CYP2C18: variants seen among roughly 807,000 people sequenced by gnomAD.
CYP2C18 encodes the protein cytochrome P450 family 2 subfamily C member 18, also known as cytochrome P450 2C18.
In CYP2C18, 38 loss-of-function variants were observed where a neutral mutation model predicts 41.3. The ratio of observed to expected loss-of-function variants is 0.92; its 90% CI spans 0.71 to 1.21. CYP2C18 has a LOEUF of 1.21. CYP2C18 is among the 50% of genes most tolerant of loss of function. The pLI is 0.00. For missense variants in CYP2C18, 635 were observed against 591.4 expected, an observed-to-expected ratio of 1.07 and a Z score of -0.77; for synonymous variants, 236 against 210.0, an observed-to-expected ratio of 1.12 and a Z score of -1.07.
At chr10:94,701,561 A>G (rs190235842) in intron 4 of CYP2C18, among the ~76,000 whole-genome samples, 260 of 152,352 alleles carry the variant, frequency 1.7e-3, no homozygotes, top group African/African-American at 6.1e-3. Flanking sequence ...TGGCACATGT[A>G]TACATATGTA....
chr10:94,691,677 A>G (rs1264953553), intron 3 of CYP2C18, among the ~76,000 whole-genome samples: 1 of 152,206 alleles, frequency 6.6e-6, no homozygotes, highest in African/African-American at 2.4e-5. Flanking sequence ...AAACTACTTT[A>G]AAGTTCATAT....
intron 4 of CYP2C18, among the ~76,000 whole-genome samples, chr10:94,698,082 G>A (rs1051507423): frequency 6.6e-4 from 101 of 152,142 alleles, no homozygotes; most frequent in African/African-American, 2.4e-3. Flanking sequence ...GGAGACAGAA[G>A]GTTAACAAGG....
At position 94,720,517 on chromosome 10, in the gene CYP2C18, T is replaced by C. The variant is rs762328869; in HGVS notation, c.941T>C (p.Leu314Pro). The C allele has an allele frequency of 6.2e-6, 10 of 1,613,170 alleles. No homozygotes were observed. The South Asian group carries it at 8.8e-5, about 14-fold the overall frequency. ...CTGAGATATGGACTCCTGCTCCTGC[T>C]GAAGTACCCAGAGGTCACAGGTATG... ...TTLRYGLLLLLKYPEVTAKVQ... is the reference protein window; with the variant it reads ...TTLRYGLLLLPKYPEVTAKVQ... Residue 314 changes from leucine to proline, a missense_variant, in exon 6 of 9, where the codon CTG (leucine) becomes CCG (proline). By Grantham distance (98) the Leu-to-Pro change is moderately conservative. Coordinates refer to ENST00000285979, the MANE Select transcript of CYP2C18 (RefSeq NM_000772.3).
At chr10:94,696,409 A>C (rs1240845547) in intron 4 of CYP2C18, among the ~76,000 whole-genome samples, 2 of 152,212 alleles carry the variant, frequency 1.3e-5, no homozygotes, top group African/African-American at 2.4e-5. Context: ...ACAGACCTGC[A>C]GCTGAGGGTC....
At chr10:94,688,096 CT>C in intron 2 of CYP2C18, 28 bp from the exon 3 acceptor site, 1 of 1,613,106 alleles carries the variant, frequency 6.2e-7, no homozygotes, top group Non-Finnish European at 8.5e-7. Context: ...TGGATTCTCC[CT>C]CGTAGCTTCT....
intron 5 of CYP2C18, among the ~76,000 whole-genome samples, chr10:94,718,201 A>T (rs528540126): frequency 1.3e-5 from 2 of 151,776 alleles, no homozygotes; most frequent in African/African-American, 4.8e-5. Context: ...TATTTCTTTG[A>T]TGCTATTGTA....
chr10:94,701,229 A>C (rs913061975), intron 4 of CYP2C18, among the ~76,000 whole-genome samples: 2 of 152,218 alleles, frequency 1.3e-5, no homozygotes, highest in Non-Finnish European at 2.9e-5. Context: ...CAAATATCCA[A>C]CAATGATAGA....
At chr10:94,709,468 A>T (rs1012876622) in intron 5 of CYP2C18, among the ~76,000 whole-genome samples, 21 of 152,258 alleles carry the variant, frequency 1.4e-4, no homozygotes, top group African/African-American at 5.1e-4. Flanking sequence ...TTTTAAAATT[A>T]TTGAGATGGA....
At chr10:94,718,381 C>A (rs1847591960) in intron 5 of CYP2C18, among the ~76,000 whole-genome samples, 1 of 152,000 alleles carries the variant, frequency 6.6e-6, no homozygotes, top group African/African-American at 2.4e-5. Flanking sequence ...AAGATCATGC[C>A]ATCAGCAAAC....
At chr10:94,730,783 A>C (rs1229690848) in intron 7 of CYP2C18, among the ~76,000 whole-genome samples, 1 of 152,160 alleles carries the variant, frequency 6.6e-6, no homozygotes, top group African/African-American at 2.4e-5. Flanking sequence ...AAAACTCTGA[A>C]GACTCTTCCA....
Position 94,697,566 on chromosome 10 carries a change from C to T in CYP2C18, c.642+2489C>T, listed in dbSNP as rs547271403. 2.1e-3 allele frequency among the ~76,000 whole-genome samples: 327 copies of T among 152,288 alleles called. 2 individuals carry two copies. Among genetic ancestry groups the T allele is most frequent in the Admixed American group, 4.1e-3 (62 of 15,300 alleles). On this transcript the variant is annotated intron_variant, in intron 4 of 8. Transcript: ENST00000285979. Reference sequence around the variant, plus strand: ...GACCATCGAGGCTGGGAAGAAACTGCATCAACTAACGAGCAAAATAACCAA... The same window carrying T: ...GACCATCGAGGCTGGGAAGAAACTGTATCAACTAACGAGCAAAATAACCAA...
Position 94,735,684 on chromosome 10 carries a change from G to A in CYP2C18, c.*240G>A. On this transcript the variant is annotated 3_prime_UTR_variant, in exon 9 of 9. Coordinates refer to ENST00000285979, the MANE Select transcript of CYP2C18 (RefSeq NM_000772.3). The stretch of plus-strand genomic sequence containing the variant: ...ATCACTTGTATTGACCACCACATAT[G>A]CTAATACCTATCTACTGCTGAGTTG... 1 of 514,410 alleles carries A rather than the reference G, an allele frequency of 1.9e-6. No individual in the cohort carries two copies. Among genetic ancestry groups the A allele is most frequent in the Non-Finnish European group, 3.5e-6 (1 of 288,092 alleles). 31.9% of individuals were successfully genotyped at this position (514,410 alleles called of 1,614,324 possible).
chr10:94,702,420 C>T (rs1371281858), intron 4 of CYP2C18, among the ~76,000 whole-genome samples: 1 of 152,022 alleles, frequency 6.6e-6, no homozygotes, highest in East Asian at 1.9e-4. Context: ...TTCCTGGAGG[C>T]TTTGTTCGCT....
intron 6 of CYP2C18, among the ~76,000 whole-genome samples, chr10:94,721,825 G>C (rs1847650792): frequency 6.6e-6 from 1 of 151,066 alleles, no homozygotes; most frequent in African/African-American, 2.4e-5. Context: ...AGTGCATGGT[G>C]TGTGTGTGTG....
At chr10:94,698,947 A>T (rs1244868898) in intron 4 of CYP2C18, among the ~76,000 whole-genome samples, 1 of 152,230 alleles carries the variant, frequency 6.6e-6, no homozygotes, top group Non-Finnish European at 1.5e-5. Context: ...TGAATCCCTG[A>T]ATAGACCAAT....
At chr10:94,690,278 CT>C (rs1299149017) in intron 3 of CYP2C18, among the ~76,000 whole-genome samples, 1 of 152,134 alleles carries the variant, frequency 6.6e-6, no homozygotes, top group African/African-American at 2.4e-5. Flanking sequence ...CATAATGAGT[CT>C]GGTTTTCAGC....
At position 94,691,390 on chromosome 10, in the gene CYP2C18, G is replaced by C. The variant is rs146284111; in HGVS notation, c.481+3116G>C. On this transcript the variant is annotated intron_variant, in intron 3 of 8. Transcript: ENST00000285979. The stretch of plus-strand genomic sequence containing the variant: ...CTTATACACCAATAGCAGACAAACA[G>C]AGAGCCAAATCATGAGTGAACTCCC... Among the ~76,000 whole-genome samples the C allele has an allele frequency of 3.1e-3, 476 of 152,006 alleles. 3 individuals are homozygous for C. The highest frequency in any genetic ancestry group is 0.011 in the African/African-American group (449 of 41,344).
Position 94,733,375 on chromosome 10 carries a change from G to T in CYP2C18, c.1228G>T (p.Gly410Cys). 1.2e-6 allele frequency: 2 copies of T among 1,613,312 alleles called. No homozygotes were observed. Among genetic ancestry groups the T allele is most frequent in the South Asian group, 2.2e-5 (2 of 91,028 alleles). Reference sequence around the variant, plus strand: ...CCCCAACCCAGAGATGTTTGACCCTGGCCACTTTCTGGATAAGAGTGGCAA... The same window carrying T: ...CCCCAACCCAGAGATGTTTGACCCTTGCCACTTTCTGGATAAGAGTGGCAA... ...EFPNPEMFDP[G>C]HFLDKSGNFK... The change falls in exon 8 of 9, where the codon GGC becomes TGC. Residue 410 changes from glycine (G) to cysteine (C), a missense_variant. Physicochemically the swap from Gly to Cys is radical, Grantham distance 159. Transcript: ENST00000285979.
intron 4 of CYP2C18, among the ~76,000 whole-genome samples, chr10:94,696,026 T>G (rs952411964): frequency 6.6e-6 from 1 of 152,186 alleles, no homozygotes; most frequent in African/African-American, 2.4e-5. Context: ...CAAGGAGGCC[T>G]GCCTGCCTCT....
Sources: allele counts gnomAD v4.1 joint callset (sites outside exome capture counted in the v4.1 genomes callset), GRCh38; gene constraint gnomAD v4.1.1; transcripts MANE v1.5; gene names NCBI Gene and HGNC (gene_info 2026-07-23, HGNC 2026-07-21).